The following PKIB variants were observed in gnomAD, a reference collection of about 807,000 sequenced individuals.
PKIB encodes PKI-beta.
A neutral mutation model predicts 4.5 loss-of-function variants in PKIB; 2 were observed. The ratio of observed to expected loss-of-function variants is 0.44; its 90% confidence interval spans 0.18 to 1.39. PKIB has a LOEUF of 1.39. PKIB is among the 40% of genes most tolerant of loss of function. The pLI, the probability that PKIB is intolerant of heterozygous loss-of-function variation, is 0.27. For missense variants in PKIB, 94 were observed against 92.6 expected, an observed-to-expected ratio of 1.02 and a Z score of -0.06; for synonymous variants, 38 against 36.0, an observed-to-expected ratio of 1.06 and a Z score of -0.20.
rs1777620179 is a variant in PKIB at position 122,675,094 on chromosome 6, G to A, written c.-59G>A. The stretch of plus-strand genomic sequence containing the variant: ...AATTTGCAGGAAAGAAAGTTTATCA[G>A]AATTTTTTAAACCTGTCTCAGAAAT... On this transcript the variant is annotated 5_prime_UTR_variant, in exon 3 of 5. Coordinates refer to ENST00000368452, the MANE Select transcript of PKIB (RefSeq NM_181795.3). 1 of 152,106 alleles carries A rather than the reference G, an allele frequency of 6.6e-6. No individual in the cohort carries two copies. The highest frequency in any genetic ancestry group is 6.6e-5 in the Admixed American group (1 of 15,208). 9.4% of individuals were successfully genotyped at this position (152,106 alleles called of 1,614,324 possible).
intron 2 of PKIB, among the ~76,000 whole-genome samples, chr6:122,537,099 A>G (rs1050795507): frequency 6.6e-6 from 1 of 151,562 alleles, no homozygotes; most frequent in Non-Finnish European, 1.5e-5. Context: ...TTTTCCTCCT[A>G]GTTGCTTCTT....
chr6:122,700,953 A>G (rs1778790121), intron 3 of PKIB: 1 of 154,492 alleles, frequency 6.5e-6, no homozygotes, highest in African/African-American at 2.4e-5. Flanking sequence ...TTGGTGTGCT[A>G]GTAGGCAGCA....
chr6:122,593,405 T>G (rs1246724447), intron 3 of PKIB, among the ~76,000 whole-genome samples: 1 of 152,206 alleles, frequency 6.6e-6, no homozygotes, highest in Non-Finnish European at 1.5e-5. Context: ...CATTCATTAA[T>G]AAGGAACCAT....
chr6:122,659,571 C>T (rs891530559), intron 2 of PKIB, among the ~76,000 whole-genome samples: 2 of 151,840 alleles, frequency 1.3e-5, no homozygotes, highest in East Asian at 1.9e-4. Context: ...AACAGTGAAA[C>T]GGCAAGAGTG....
At chr6:122,714,238 T>C (rs1779388504) in intron 3 of PKIB, among the ~76,000 whole-genome samples, 1 of 152,218 alleles carries the variant, frequency 6.6e-6, no homozygotes, top group Non-Finnish European at 1.5e-5. Flanking sequence ...CTATTCGGTC[T>C]GCCTCTGGTG....
chr6:122,685,516 T>C (rs551420661), intron 3 of PKIB, among the ~76,000 whole-genome samples: 33 of 152,234 alleles, frequency 2.2e-4, no homozygotes, highest in African/African-American at 7.7e-4. Context: ...AATTAGTTTT[T>C]ATTGGCTTTT....
In PKIB at chr6:122,704,294, T is replaced by C. The variant is rs187880418; in HGVS notation, c.-8-13493T>C. Among the ~76,000 whole-genome samples the C allele has an allele frequency of 4.1e-4, 62 of 152,242 alleles. No homozygotes were observed. In the East Asian group the frequency reaches 0.011, roughly 28 times the overall value. On this transcript the variant is annotated intron_variant, in intron 3 of 4. Transcript: ENST00000368452. ...CACTGATTCAGATGTTAATCTTTTC[T>C]GGAAACACCCTCACAGACACACCCC...
intron 2 of PKIB, among the ~76,000 whole-genome samples, chr6:122,551,647 C>A (rs772999484): frequency 1.3e-5 from 2 of 152,056 alleles, no homozygotes; most frequent in Admixed American, 6.6e-5. Flanking sequence ...AACATTGAGC[C>A]AGCATTCTGG....
intron 3 of PKIB, among the ~76,000 whole-genome samples, chr6:122,707,183 T>G (rs1172126704): frequency 6.6e-6 from 1 of 152,112 alleles, no homozygotes; most frequent in Non-Finnish European, 1.5e-5. Context: ...TAAAGTTGTT[T>G]GCCCTTTGGT....
chr6:122,677,235 A>G (rs1057370920), intron 3 of PKIB, among the ~76,000 whole-genome samples: 1 of 152,212 alleles, frequency 6.6e-6, no homozygotes, highest in African/African-American at 2.4e-5. Context: ...GGAGCTTTGT[A>G]AAAAATACAC....
At chr6:122,708,489 G>T (rs759344845) in intron 3 of PKIB, among the ~76,000 whole-genome samples, 1 of 152,122 alleles carries the variant, frequency 6.6e-6, no homozygotes, top group Non-Finnish European at 1.5e-5. Flanking sequence ...CAGTGTAGGG[G>T]AGATATGGTT....
chr6:122,494,406 G>A (rs181136794), intron 2 of PKIB, among the ~76,000 whole-genome samples: 22 of 152,272 alleles, frequency 1.4e-4, no homozygotes, highest in African/African-American at 5.3e-4. Context: ...GAAGTATGTA[G>A]GGCTGTTTTT....
intron 2 of PKIB, among the ~76,000 whole-genome samples, chr6:122,551,244 A>T (rs1050369016): frequency 1.3e-5 from 2 of 151,988 alleles, no homozygotes; most frequent in Non-Finnish European, 2.9e-5. Context: ...TTTCTGAAAG[A>T]TCTATAATTC....
At chr6:122,661,343 A>T (rs1776981972) in intron 2 of PKIB, among the ~76,000 whole-genome samples, 1 of 151,988 alleles carries the variant, frequency 6.6e-6, no homozygotes. Flanking sequence ...ATTAGTTGTG[A>T]CTCCCTATTT....
At chr6:122,604,214 C>A (rs1222347606) in intron 3 of PKIB, among the ~76,000 whole-genome samples, 1 of 152,058 alleles carries the variant, frequency 6.6e-6, no homozygotes, top group Non-Finnish European at 1.5e-5. Context: ...TAGAGTTAGA[C>A]AATACACATG....
chr6:122,661,607 A>G (rs923080567), intron 2 of PKIB, among the ~76,000 whole-genome samples: 1 of 152,130 alleles, frequency 6.6e-6, no homozygotes, highest in Non-Finnish European at 1.5e-5. Context: ...GATGATGGAC[A>G]TTTGTGTTTT....
At chr6:122,647,358 C>T (rs930873641) in intron 2 of PKIB, among the ~76,000 whole-genome samples, 4 of 152,112 alleles carry the variant, frequency 2.6e-5, no homozygotes, top group African/African-American at 4.8e-5. Context: ...GGTGAGTGTC[C>T]GATTGATTAA....
At chr6:122,560,493 A>G (rs1285581849) in intron 2 of PKIB, among the ~76,000 whole-genome samples, 2 of 152,024 alleles carry the variant, frequency 1.3e-5, no homozygotes, top group African/African-American at 2.4e-5. Context: ...ATCAGTCTGT[A>G]GTTTTCTTTT....
At chr6:122,719,537 A>G (rs1384886697) in intron 4 of PKIB, among the ~76,000 whole-genome samples, 3 of 152,236 alleles carry the variant, frequency 2.0e-5, no homozygotes, top group East Asian at 3.8e-4. Context: ...ATCAGAGAGT[A>G]GAATGGTAGC....
Sources: allele counts gnomAD v4.1 joint callset (sites outside exome capture counted in the v4.1 genomes callset), GRCh38; gene constraint gnomAD v4.1.1; transcripts MANE v1.5; gene names NCBI Gene and HGNC (gene_info 2026-07-23, HGNC 2026-07-21).